Variants in FMN1 observed in about 807,000 individuals in gnomAD.
FMN1 encodes the protein formin 1.
FMN1 carries 110 observed loss-of-function variants against 132.4 expected under a neutral mutation model. The observed-to-expected ratio is 0.83, with a 90% CI of 0.71 to 0.97. The LOEUF (loss-of-function observed/expected upper bound fraction) is 0.97, where lower values mean the gene tolerates loss of function less well. Ranked by LOEUF, FMN1 falls within the 50% of genes least tolerant of loss-of-function variation. The probability of loss-of-function intolerance (pLI) is 0.00; values close to 1 mark genes in which losing one functional copy is unlikely to be tolerated. For synonymous variants in FMN1, 722 were observed against 651.7 expected, an observed-to-expected ratio of 1.11 and a Z score of -1.64; for missense variants, 1,792 against 1,705.3, an observed-to-expected ratio of 1.05 and a Z score of -0.90.
At chr15:33,066,320 A>G (rs1383912773) in intron 5 of FMN1, among the ~76,000 whole-genome samples, 4 of 152,202 alleles carry the variant, frequency 2.6e-5, no homozygotes, top group Admixed American at 2.0e-4. Flanking sequence ...ATTCCAGATA[A>G]AAATCAGGAC....
chr15:33,194,359 G>T (rs1966196505), intron 1 of FMN1, among the ~76,000 whole-genome samples: 1 of 148,942 alleles, frequency 6.7e-6, no homozygotes, highest in African/African-American at 2.5e-5. Flanking sequence ...GAGGAGCGTT[G>T]GGATGACCCG....
chr15:32,926,167 GACTT>G lies in FMN1; in HGVS notation c.3226+3_3226+6del. ...AAAGTAAAACAAAAGTGATAGAAAAGACTTACCCTGTTGGATATCCTTCATTTCT... is the reference window on the plus strand; with the variant it reads ...AAAGTAAAACAAAAGTGATAGAAAAGACCCTGTTGGATATCCTTCATTTCT... On this transcript the variant is annotated splice_donor_5th_base_variant and intron_variant, in intron 10 of 20. Coordinates refer to ENST00000616417, the MANE Select transcript of FMN1 (RefSeq NM_001277313.2). The G allele has an allele frequency of 7.1e-7, 1 of 1,399,172 alleles. No homozygotes were observed. Among genetic ancestry groups the G allele is most frequent in the Non-Finnish European group, 9.9e-7 (1 of 1,012,544 alleles). The allele number at this position is 1,399,172 out of a possible 1,614,324, so 86.7% of individuals were successfully genotyped here. A position where few individuals can be genotyped will look rare whatever the true frequency, so the allele number is the denominator to read the frequency against.
intron 17 of FMN1, among the ~76,000 whole-genome samples, chr15:32,836,148 A>C (rs2058620719): frequency 6.6e-6 from 1 of 152,038 alleles, no homozygotes; most frequent in African/African-American, 2.4e-5. Flanking sequence ...GGTGTGAGCG[A>C]CTGCTCACAG....
At chr15:32,986,521 A>G (rs1453756317) in intron 7 of FMN1, among the ~76,000 whole-genome samples, 1 of 152,160 alleles carries the variant, frequency 6.6e-6, no homozygotes, top group African/African-American at 2.4e-5. Flanking sequence ...AGAAAAATGT[A>G]AATCTCCCAT....
chr15:32,950,046 T>TATACACATATATATATATACAC (rs1555503246), intron 9 of FMN1, among the ~76,000 whole-genome samples: 2 of 7,154 alleles, frequency 2.8e-4, no homozygotes, highest in East Asian at 6.3e-3. Context: ...CATATATATA[T>TATACACATATATATATATACAC]ATATACACAT....
chr15:33,048,638 A>AAAAAAAAACAAAAAAAAAAAC (rs1555388915), intron 6 of FMN1, among the ~76,000 whole-genome samples: 5 of 21,554 alleles, frequency 2.3e-4, no homozygotes, highest in African/African-American at 6.0e-4. Context: ...TACCAAAAAA[A>AAAAAAAAACAAAAAAAAAAAC]AAAAAAAAAA....
chr15:33,120,382 C>CA (rs1372113769), intron 4 of FMN1, among the ~76,000 whole-genome samples: 2 of 152,068 alleles, frequency 1.3e-5, no homozygotes, highest in African/African-American at 4.8e-5. Flanking sequence ...ATTAGGTTAC[C>CA]AGTTGTGCCC....
At chr15:33,110,960 G>A (rs2039679149) in intron 4 of FMN1, among the ~76,000 whole-genome samples, 1 of 152,060 alleles carries the variant, frequency 6.6e-6, no homozygotes, top group African/African-American at 2.4e-5. Flanking sequence ...CAGCAATTAT[G>A]ATAATTATTC....
intron 10 of FMN1, 134 bp from the exon 11 acceptor site, chr15:32,910,669 C>T (rs748177044): frequency 1.0e-5 from 7 of 684,722 alleles, no homozygotes; most frequent in Non-Finnish European, 1.8e-5. Flanking sequence ...CTCTCTGCTC[C>T]CCTTCCTTTC....
chr15:32,784,132 T>G (rs2056769986), intron 19 of FMN1, among the ~76,000 whole-genome samples: 1 of 152,178 alleles, frequency 6.6e-6, no homozygotes, highest in Non-Finnish European at 1.5e-5. Flanking sequence ...ATGGGGCAGA[T>G]AAGAGTGTTC....
intron 16 of FMN1, among the ~76,000 whole-genome samples, chr15:32,885,851 C>A (rs192094323): frequency 6.6e-6 from 1 of 151,520 alleles, no homozygotes; most frequent in Non-Finnish European, 1.5e-5. Context: ...AGATCTAGGG[C>A]CTGATACTTC....
intron 6 of FMN1, among the ~76,000 whole-genome samples, chr15:33,043,505 A>C (rs1226385441): frequency 3.3e-5 from 5 of 152,204 alleles, no homozygotes; most frequent in Non-Finnish European, 5.9e-5. Context: ...GAATCTCTCT[A>C]AATCTGCTGT....
intron 6 of FMN1, among the ~76,000 whole-genome samples, chr15:33,047,682 T>C (rs1358645127): frequency 6.6e-6 from 1 of 152,208 alleles, no homozygotes; most frequent in East Asian, 1.9e-4. Flanking sequence ...GGAAATGACT[T>C]TGAAGACTCC....
At chr15:32,819,753 G>C (rs190485845) in intron 17 of FMN1, among the ~76,000 whole-genome samples, 41 of 151,246 alleles carry the variant, frequency 2.7e-4, no homozygotes, top group African/African-American at 9.4e-4. Context: ...AAAAAAGAAA[G>C]AAAAAAAACC....
chr15:33,115,612 T>C (rs2039895024), intron 4 of FMN1, among the ~76,000 whole-genome samples: 1 of 144,972 alleles, frequency 6.9e-6, no homozygotes, highest in Non-Finnish European at 1.5e-5. Flanking sequence ...ACAACCACAA[T>C]ACACTGAGCA....
intron 9 of FMN1, among the ~76,000 whole-genome samples, chr15:32,959,240 G>A (rs775851933): frequency 4.6e-5 from 7 of 152,074 alleles, no homozygotes; most frequent in Non-Finnish European, 5.9e-5. Context: ...TGATCCAGCT[G>A]AAGGAGTTGG....
chr15:32,862,837 T>G (rs1192863183), intron 16 of FMN1, among the ~76,000 whole-genome samples: 1 of 152,136 alleles, frequency 6.6e-6, no homozygotes, highest in African/African-American at 2.4e-5. Flanking sequence ...AAGGAAAGGT[T>G]TATCAGGCTA....
At chr15:32,988,394 C>A (rs542787006) in intron 7 of FMN1, among the ~76,000 whole-genome samples, 1 of 152,118 alleles carries the variant, frequency 6.6e-6, no homozygotes, top group Non-Finnish European at 1.5e-5. Flanking sequence ...CTGATTTATA[C>A]ATTCGTAACA....
intron 4 of FMN1, among the ~76,000 whole-genome samples, chr15:33,101,268 G>C (rs1266512986): frequency 2.6e-5 from 4 of 152,178 alleles, no homozygotes; most frequent in Admixed American, 2.0e-4. Context: ...AGATGTGCAA[G>C]TTGAGTATAC....
Sources: gnomAD v4.1 joint callset for allele counts (sites outside exome capture counted in the v4.1 genomes callset) on GRCh38, gnomAD v4.1.1 for gene constraint, MANE v1.5 for transcripts, NCBI Gene and HGNC (gene_info 2026-07-23, HGNC 2026-07-21) for gene names.